The following SDK1 variants were observed in gnomAD, a reference collection of about 807,000 sequenced individuals.
SDK1 encodes sidekick cell adhesion molecule 1.
Under a neutral mutation model 245.5 loss-of-function variants are expected in SDK1, and 157 were observed. The observed-to-expected ratio is 0.64, with a 90% confidence interval of 0.56 to 0.73. SDK1 has a LOEUF of 0.73. SDK1 is among the 30% of genes least tolerant of loss of function. The pLI, the probability that SDK1 is intolerant of heterozygous loss-of-function variation, is 0.00. For missense variants in SDK1, 3,583 were observed against 3,002.3 expected (o/e 1.19, Z -4.52); for synonymous variants, 1,647 against 1,278.5 (o/e 1.29, Z -6.15).
At chr7:3,573,365 G>T (rs557043625) in intron 1 of SDK1, among the ~76,000 whole-genome samples, 1 of 152,200 alleles carries the variant, frequency 6.6e-6, no homozygotes, top group South Asian at 2.1e-4. Flanking sequence ...GCCTCAGGGG[G>T]CTGAGCAGAG....
intron 5 of SDK1, among the ~76,000 whole-genome samples, chr7:3,906,922 A>G (rs1233132552): frequency 6.6e-6 from 1 of 151,866 alleles, no homozygotes; most frequent in Non-Finnish European, 1.5e-5. Context: ...GAGCCACCGT[A>G]CCCTGCCTCT....
chr7:4,254,668 C>G (rs1787521693), intron 44 of SDK1, among the ~76,000 whole-genome samples: 1 of 150,094 alleles, frequency 6.7e-6, no homozygotes, highest in African/African-American at 2.5e-5. Flanking sequence ...TTATACTTTC[C>G]TGGGTTTTTT....
chr7:3,739,203 T>C (rs999990468), intron 4 of SDK1, among the ~76,000 whole-genome samples: 1 of 152,222 alleles, frequency 6.6e-6, no homozygotes, highest in African/African-American at 2.4e-5. Flanking sequence ...GTAATTGTTT[T>C]CTTACTGCTT....
chr7:3,801,512 T>A (rs527576952), intron 4 of SDK1, among the ~76,000 whole-genome samples: 3 of 152,204 alleles, frequency 2.0e-5, no homozygotes, highest in Admixed American at 6.5e-5. Flanking sequence ...TAGATTGTCA[T>A]TGTGCTCTCT....
chr7:3,428,976 C>T (rs895167395), intron 1 of SDK1, among the ~76,000 whole-genome samples: 2 of 152,172 alleles, frequency 1.3e-5, no homozygotes. Context: ...CCTTAAGCTT[C>T]AGGGATTCAG....
At chr7:3,759,653 G>A (rs1435464978) in intron 4 of SDK1, among the ~76,000 whole-genome samples, 1 of 151,468 alleles carries the variant, frequency 6.6e-6, no homozygotes, top group South Asian at 2.1e-4. Context: ...AGGCTGGAGT[G>A]CAGCCTTAGC....
chr7:4,193,807 C>A (rs533071437), intron 35 of SDK1, among the ~76,000 whole-genome samples: 4 of 152,106 alleles, frequency 2.6e-5, no homozygotes, highest in Non-Finnish European at 4.4e-5. Flanking sequence ...TCCCTGAGTT[C>A]ATCATTTTCT....
At chr7:3,592,301 G>A (rs370977075) in intron 1 of SDK1, among the ~76,000 whole-genome samples, 3 of 152,166 alleles carry the variant, frequency 2.0e-5, no homozygotes, top group South Asian at 2.1e-4. Flanking sequence ...TATAATTGCC[G>A]TTTCTCCCCT....
intron 2 of SDK1, 74 bp downstream of exon 2, chr7:3,619,313 T>C: frequency 7.9e-7 from 1 of 1,260,386 alleles, no homozygotes; most frequent in Middle Eastern, 2.0e-4. Context: ...CTGGTCATAA[T>C]AGCACAATGA....
At chr7:3,945,899 TAA>T (rs754101246) in intron 5 of SDK1, among the ~76,000 whole-genome samples, 29 of 13,672 alleles carry the variant, frequency 2.1e-3, no homozygotes, top group African/African-American at 4.6e-3. Flanking sequence ...ACTCTGTCTG[TAA>T]AAAAAAAAAA....
In SDK1 at chr7:4,012,173, G is replaced by A; in HGVS notation, c.2358G>A (p.Met786Ile). The A allele has an allele frequency of 6.3e-7, 1 of 1,577,500 alleles. No homozygotes were observed. The highest frequency in any genetic ancestry group is 1.7e-4 in the Middle Eastern group (1 of 5,994). ...GTGGGCGGACTAATCAGTCCATTAT[G>A]GTCCAGTGGCAGCCACCCCCAGAAA... ...VASGRTNQSI[M>I]VQWQPPPETE... Residue 786 changes from methionine (M) to isoleucine (I), a missense_variant, in exon 16 of 45, where the codon ATG (methionine) becomes ATA (isoleucine). Coordinates refer to ENST00000404826, the MANE Select transcript of SDK1 (RefSeq NM_152744.4).
intron 1 of SDK1, among the ~76,000 whole-genome samples, chr7:3,488,243 C>G (rs1354610856): frequency 2.6e-5 from 4 of 152,168 alleles, no homozygotes; most frequent in Admixed American, 6.5e-5. Flanking sequence ...GTCTTTTCCT[C>G]TAATTATAAA....
chr7:3,650,089 A>G (rs767011633), intron 4 of SDK1, among the ~76,000 whole-genome samples: 1 of 151,738 alleles, frequency 6.6e-6, no homozygotes, highest in Non-Finnish European at 1.5e-5. Context: ...TCACTTTATC[A>G]TCCAGGCTAG....
At chr7:3,985,552 C>T (rs112788736) in intron 13 of SDK1, among the ~76,000 whole-genome samples, 2,950 of 152,188 alleles carry the variant, frequency 0.019, 113 homozygotes, top group African/African-American at 0.067. Flanking sequence ...TTCGAGAGGC[C>T]GAGGTTGGGG....
chr7:3,546,888 G>C (rs1211695014), intron 1 of SDK1, among the ~76,000 whole-genome samples: 1 of 152,148 alleles, frequency 6.6e-6, no homozygotes, highest in African/African-American at 2.4e-5. Flanking sequence ...GCATTTAAAA[G>C]TCATCATCTC....
intron 30 of SDK1, among the ~76,000 whole-genome samples, chr7:4,154,372 G>C (rs1780586947): frequency 6.6e-6 from 1 of 152,226 alleles, no homozygotes; most frequent in Admixed American, 6.5e-5. Context: ...AGTTTGGGAT[G>C]ATTAGAAGAA....
chr7:3,687,056 AACACACACACACACAC>A (rs200034994), intron 4 of SDK1, among the ~76,000 whole-genome samples: 19 of 135,238 alleles, frequency 1.4e-4, no homozygotes, highest in South Asian at 4.9e-4. Context: ...ATAGCATCAA[AACACACACACACACAC>A]ACACACACAC....
At chr7:3,872,061 T>G (rs1324958277) in intron 5 of SDK1, among the ~76,000 whole-genome samples, 2 of 85,960 alleles carry the variant, frequency 2.3e-5, no homozygotes, top group Non-Finnish European at 4.4e-5. Flanking sequence ...ATTTGTTTTG[T>G]TTTTTCTTAT....
At chr7:4,047,505 G>T (rs1189948966) in intron 17 of SDK1, among the ~76,000 whole-genome samples, 1 of 152,160 alleles carries the variant, frequency 6.6e-6, no homozygotes, top group Non-Finnish European at 1.5e-5. Flanking sequence ...CTTTAGAATT[G>T]GTTTAATTTA....
Sources: gnomAD v4.1 joint callset for allele counts (sites outside exome capture counted in the v4.1 genomes callset) on GRCh38, gnomAD v4.1.1 for gene constraint, MANE v1.5 for transcripts, NCBI Gene and HGNC (gene_info 2026-07-23, HGNC 2026-07-21) for gene names.